The following CTNS variants were observed in gnomAD, a reference collection of about 807,000 sequenced individuals.
CTNS encodes the protein cystinosin, lysosomal cystine transporter, also known as cystinosin.
Under a neutral mutation model 43.7 loss-of-function variants are expected in CTNS, and 27 were observed. The ratio of observed to expected loss-of-function variants is 0.62; its 90% CI spans 0.46 to 0.85. CTNS has a LOEUF of 0.85. CTNS is among the 40% of genes least tolerant of loss of function. The pLI is 0.00. For synonymous variants in CTNS, 187 were observed against 190.6 expected (o/e 0.98, Z 0.16); for missense variants, 457 against 475.4 (o/e 0.96, Z 0.36).
intron 3 of CTNS, among the ~76,000 whole-genome samples, chr17:3,644,390 G>A (rs1170487395): frequency 1.3e-5 from 2 of 152,180 alleles, no homozygotes; most frequent in Non-Finnish European, 2.9e-5. Flanking sequence ...GTTTTCTGTG[G>A]TGCTAAAGAA....
intron 2 of CTNS, among the ~76,000 whole-genome samples, chr17:3,639,892 CTAAGT>C (rs2075641795): frequency 6.6e-6 from 1 of 152,100 alleles, no homozygotes; most frequent in Admixed American, 6.6e-5. Flanking sequence ...TTTCTGCTAA[CTAAGT>C]TTTTACAAAA....
In CTNS at chr17:3,656,698, C is replaced by G. The variant is rs1488792921; in HGVS notation, c.584C>G (p.Pro195Arg). 6.2e-7 allele frequency: 1 copy of G among 1,613,292 alleles called. No homozygotes were observed. Among genetic ancestry groups the G allele is most frequent in the Non-Finnish European group, 8.5e-7 (1 of 1,179,906 alleles). ...CAGGAGCAGTTTCTCCTCAAATACC[C>G]CAACGGAGTGAACCCCGTGAACAGC... ...YIKEQFLLKY[P>R]NGVNPVNSND... The change falls in exon 9 of 12, where the codon CCC becomes CGC. Residue 195 changes from proline (P) to arginine (R), a missense_variant. By Grantham distance (103) the Pro-to-Arg change is moderately radical (BLOSUM62 -2). Coordinates refer to ENST00000046640, the MANE Select transcript of CTNS (RefSeq NM_004937.3).
chr17:3,657,998 C>T lies in CTNS; in HGVS notation c.682-7C>T. The T allele has an allele frequency of 6.2e-7, 1 of 1,607,666 alleles. No homozygotes were observed. The highest frequency in any genetic ancestry group is 8.5e-7 in the Non-Finnish European group (1 of 1,179,826). On this transcript the variant is annotated splice_polypyrimidine_tract_variant and splice_region_variant and intron_variant, in intron 9 of 11. Transcript: ENST00000046640. ...GGTCCACATCTCTGCCCTCCTCTCGCCCCCAGCGCGGTGGCCAGCGCGTGT... is the reference window on the plus strand; with the variant it reads ...GGTCCACATCTCTGCCCTCCTCTCGTCCCCAGCGCGGTGGCCAGCGCGTGT...
At chr17:3,642,041 C>CTGTGTGTGTGTGTGCG (rs2075724223) in intron 3 of CTNS, among the ~76,000 whole-genome samples, 1 of 143,788 alleles carries the variant, frequency 7.0e-6, no homozygotes, top group African/African-American at 2.6e-5. Flanking sequence ...TTGCCTGGGC[C>CTGTGTGTGTGTGTGCG]TGTGTGTGTG....
At chr17:3,641,315 T>C (rs2075684657) in intron 3 of CTNS, among the ~76,000 whole-genome samples, 1 of 144,066 alleles carries the variant, frequency 6.9e-6, no homozygotes, top group South Asian at 2.2e-4. Flanking sequence ...GCCCATTCAT[T>C]TGATCCTCAG....
chr17:3,655,654 G>T (rs1004308159), intron 7 of CTNS: 16 of 425,774 alleles, frequency 3.8e-5, no homozygotes, highest in Non-Finnish European at 4.4e-6. Context: ...TCTCCTCTGC[G>T]CTGGGTCCAT....
rs560735690 is a variant in CTNS at position 3,660,458 on chromosome 17, C to T, written c.*89C>T. ...CGAAGGCCGGAGAAGCGGTTGGGCC[C>T]TGGCACACAGGGCTGGCTCAGTGTG... is the stretch of plus-strand genomic sequence containing the variant. On this transcript the variant is annotated 3_prime_UTR_variant, in exon 12 of 12. Transcript: ENST00000046640. 1.2e-6 allele frequency: 2 copies of T among 1,613,302 alleles called. No individual in the cohort carries two copies. Among genetic ancestry groups the T allele is most frequent in the African/African-American group, 2.7e-5 (2 of 75,076 alleles).
chr17:3,639,228 A>AC (rs2075620661), intron 2 of CTNS, among the ~76,000 whole-genome samples: 1 of 151,960 alleles, frequency 6.6e-6, no homozygotes, highest in South Asian at 2.1e-4. Context: ...GCTGCTCTTG[A>AC]CCCACTGTTC....
chr17:3,659,157 CT>C (rs1567715213), intron 10 of CTNS, among the ~76,000 whole-genome samples: 1 of 151,156 alleles, frequency 6.6e-6, no homozygotes, highest in Admixed American at 6.6e-5. Flanking sequence ...TAGAGGCTCA[CT>C]GGGAGGCCAC....
In CTNS at chr17:3,640,275, T is replaced by G. The variant is rs2150889028; in HGVS notation, c.61+8T>G. 2 of 1,613,198 alleles carry G rather than the reference T, an allele frequency of 1.2e-6. No individual in the cohort carries two copies. The highest frequency in any genetic ancestry group is 1.1e-5 in the South Asian group (1 of 91,076). ...AGCTCGTAGAGAAATGTGGTAAGTT[T>G]AGAAATGACACGTCAACTTTGTAAA... On this transcript the variant is annotated splice_region_variant and intron_variant, in intron 3 of 11. Coordinates refer to ENST00000046640, the MANE Select transcript of CTNS (RefSeq NM_004937.3).
At position 3,659,939 on chromosome 17, in the gene CTNS, A is replaced by C. The variant is rs747023441; in HGVS notation, c.934A>C (p.Ser312Arg). Reference sequence around the variant, plus strand: ...CCTGGACTTCACCGGGGGCAGCTTCAGCCTCCTGCAGATGTTCCTCCAGTC... The same window carrying C: ...CCTGGACTTCACCGGGGGCAGCTTCCGCCTCCTGCAGATGTTCCTCCAGTC... ...VLLDFTGGSF[S>R]LLQMFLQSYN... Residue 312 changes from serine to arginine, a missense_variant, in exon 11 of 12, where the codon AGC becomes CGC. Transcript: ENST00000046640. The C allele has an allele frequency of 1.9e-6, 3 of 1,613,854 alleles. No individual in the cohort carries two copies. In the South Asian group the frequency reaches 3.3e-5, roughly 18 times the overall value.
intron 7 of CTNS, chr17:3,655,587 A>G: frequency 7.4e-6 from 3 of 404,468 alleles, no homozygotes; most frequent in Non-Finnish European, 1.4e-5. Context: ...AACAGGGAAA[A>G]GGGGCTCCTT....
intron 5 of CTNS, among the ~76,000 whole-genome samples, chr17:3,653,885 AAT>A (rs1739765962): frequency 6.7e-6 from 1 of 149,224 alleles, no homozygotes; most frequent in African/African-American, 2.5e-5. Context: ...TCGGGGGAAA[AAT>A]AAAGTCTCAG....
Position 3,662,242 on chromosome 17 carries a change from C to T in CTNS, c.*1873C>T, listed in dbSNP as rs1056304513. Among the ~76,000 whole-genome samples, 4 of 151,540 alleles carry T rather than the reference C, an allele frequency of 2.6e-5. No individual in the cohort carries two copies. The highest frequency in any genetic ancestry group is 5.9e-5 in the Non-Finnish European group (4 of 67,948). On this transcript the variant is annotated 3_prime_UTR_variant, in exon 12 of 12. Transcript: ENST00000046640. ...AGGAGAATTACTTGAACCCAGGAGG[C>T]GGAGGTTGCAGTGAGCGAAGATCAC...
chr17:3,650,130 G>A (rs1420199744), intron 5 of CTNS: 52 of 1,545,246 alleles, frequency 3.4e-5, no homozygotes, highest in Non-Finnish European at 4.3e-5. Flanking sequence ...GTTATATACT[G>A]CAAATATATA....
Position 3,655,341 on chromosome 17 carries a change from G to C in CTNS, c.450G>C (p.Trp150Cys). 1 of 1,614,150 alleles carries C rather than the reference G, an allele frequency of 6.2e-7. No individual in the cohort carries two copies. The highest frequency in any genetic ancestry group is 1.1e-5 in the South Asian group (1 of 91,088). ...TCTACCCTCAGGTGATCATGAATTG[G>C]AGGCGGAAAAGGTAACCCCCTGGGC... ...ISFYPQVIMN[W>C]RRKSVIGLSF... The change falls in exon 7 of 12, where the codon TGG (tryptophan) becomes TGC (cysteine). Residue 150 changes from tryptophan (W) to cysteine (C), a missense_variant. Physicochemically the swap from Trp to Cys is radical, Grantham distance 215. Coordinates refer to ENST00000046640, the MANE Select transcript of CTNS (RefSeq NM_004937.3).
Position 3,660,520 on chromosome 17 carries a change from G to A in CTNS, c.*151G>A. The A allele has an allele frequency of 1.9e-6, 3 of 1,612,512 alleles. No homozygotes were observed. Among genetic ancestry groups the A allele is most frequent in the Non-Finnish European group, 1.7e-6 (2 of 1,179,968 alleles). On this transcript the variant is annotated 3_prime_UTR_variant, in exon 12 of 12. Transcript: ENST00000046640. ...GACCACTCTGCTCCTGGGGCCAGAGGCCATTCAATAGCCTGCCTTCGTCCG... is the reference window on the plus strand; with the variant it reads ...GACCACTCTGCTCCTGGGGCCAGAGACCATTCAATAGCCTGCCTTCGTCCG...
intron 3 of CTNS, among the ~76,000 whole-genome samples, chr17:3,643,200 G>C (rs1219783058): frequency 6.6e-6 from 1 of 151,964 alleles, no homozygotes; most frequent in Non-Finnish European, 1.5e-5. Context: ...TATAGTCCCA[G>C]CTACTCGGGA....
rs1048673 is a variant in CTNS, at chr17:3,661,393, C to T, written c.*1024C>T. The T allele has an allele frequency of 0.19, 29,174 of 152,300 alleles. 3,094 individuals are homozygous for T. The highest frequency in any genetic ancestry group is 0.23 in the East Asian group (1,156 of 5,130). 9.4% of individuals were successfully genotyped at this position (152,300 alleles called of 1,614,324 possible). The stretch of plus-strand genomic sequence containing the variant: ...GATCTCAAACCTCCTTCCCTCTGCC[C>T]AAAGCTGTCCTTCCTATGGCAGGAG... On this transcript the variant is annotated 3_prime_UTR_variant, in exon 12 of 12. Coordinates refer to ENST00000046640, the MANE Select transcript of CTNS (RefSeq NM_004937.3).
Sources: gnomAD v4.1 joint callset for allele counts (sites outside exome capture counted in the v4.1 genomes callset) on GRCh38, gnomAD v4.1.1 for gene constraint, MANE v1.5 for transcripts, NCBI Gene and HGNC (gene_info 2026-07-23, HGNC 2026-07-21) for gene names.